The following MARK3 variants were observed in gnomAD, a reference collection of about 807,000 sequenced individuals.
MARK3 encodes MAP/microtubule affinity-regulating kinase 3.
A neutral mutation model predicts 90.1 loss-of-function variants in MARK3; 46 were observed. The ratio of observed to expected loss-of-function variants is 0.51; its 90% CI spans 0.40 to 0.65. MARK3 has a LOEUF of 0.65. Ranked by LOEUF, MARK3 falls within the 30% of genes least tolerant of loss-of-function variation. The pLI is 0.00. For missense variants in MARK3, 818 were observed against 947.2 expected (o/e 0.86, Z 1.79); for synonymous variants, 321 against 332.6 (o/e 0.97, Z 0.38).
chr14:103,408,566 A>G (rs1324109066), intron 2 of MARK3, among the ~76,000 whole-genome samples: 2 of 152,200 alleles, frequency 1.3e-5, no homozygotes, highest in Admixed American at 6.5e-5. Flanking sequence ...TAGATGTGCC[A>G]AGACTGTGAC....
chr14:103,493,341 G>A (rs895043623), intron 15 of MARK3, among the ~76,000 whole-genome samples: 1 of 136,356 alleles, frequency 7.3e-6, no homozygotes, highest in Non-Finnish European at 1.5e-5. Context: ...TTCAACCTCC[G>A]CCTAGATTAG....
chr14:103,445,671 A>G (rs750860005), intron 3 of MARK3, among the ~76,000 whole-genome samples: 8 of 152,184 alleles, frequency 5.3e-5, no homozygotes, highest in Non-Finnish European at 1.2e-4. Flanking sequence ...TTAGTTATCC[A>G]CTGCTGCCTA....
chr14:103,395,942 G>GATACCAAT (rs756806202), intron 1 of MARK3, among the ~76,000 whole-genome samples: 31 of 152,182 alleles, frequency 2.0e-4, no homozygotes, highest in Non-Finnish European at 3.7e-4. Context: ...TGGTGCTCTT[G>GATACCAAT]ATACCAATAT....
chr14:103,492,456 T>G (rs2094033456), intron 15 of MARK3, among the ~76,000 whole-genome samples: 1 of 152,150 alleles, frequency 6.6e-6, no homozygotes, highest in South Asian at 2.1e-4. Context: ...GCTTCTCTTT[T>G]CTCACTTTAT....
At chr14:103,477,631 C>T (rs558587066) in intron 13 of MARK3, among the ~76,000 whole-genome samples, 2 of 151,950 alleles carry the variant, frequency 1.3e-5, no homozygotes, top group Admixed American at 6.6e-5. Flanking sequence ...TTGGTACACT[C>T]ACAGTATTGT....
intron 15 of MARK3, among the ~76,000 whole-genome samples, chr14:103,494,203 CAGCCTGGGTGATGACAGAGCG>C (rs1278718721): frequency 5.4e-4 from 78 of 143,258 alleles, no homozygotes; most frequent in Non-Finnish European, 9.4e-4. Context: ...CGCTGCACTC[CAGCCTGGGTGATGACAGAGCG>C]AGACTCCATC....
chr14:103,456,773 A>T (rs1242803151), intron 5 of MARK3, among the ~76,000 whole-genome samples: 1 of 152,236 alleles, frequency 6.6e-6, no homozygotes, highest in Non-Finnish European at 1.5e-5. Context: ...TATACTCAGG[A>T]AATGCTTTGT....
At chr14:103,436,866 G>A (rs1029566877) in intron 3 of MARK3, among the ~76,000 whole-genome samples, 8 of 152,116 alleles carry the variant, frequency 5.3e-5, no homozygotes, top group African/African-American at 1.9e-4. Context: ...CAGCTGGGTG[G>A]GATCACCTGA....
intron 2 of MARK3, among the ~76,000 whole-genome samples, chr14:103,422,636 T>G (rs1459151361): frequency 1.3e-5 from 2 of 152,136 alleles, no homozygotes; most frequent in African/African-American, 4.8e-5. Flanking sequence ...CTACCCCACC[T>G]CCTCAAGTGA....
chr14:103,502,387 A>G (rs940596392), intron 17 of MARK3, among the ~76,000 whole-genome samples: 4 of 152,274 alleles, frequency 2.6e-5, no homozygotes, highest in Admixed American at 2.6e-4. Flanking sequence ...AGGGCTGTAC[A>G]GCAAAGCAAT....
chr14:103,470,511 A>C (rs1187011578), intron 12 of MARK3, among the ~76,000 whole-genome samples: 1 of 104,714 alleles, frequency 9.5e-6, no homozygotes, highest in Non-Finnish European at 1.8e-5. Context: ...GCTGGAGTGC[A>C]ATAGCGCGAT....
intron 7 of MARK3, among the ~76,000 whole-genome samples, chr14:103,464,350 G>C (rs1233265671): frequency 3.8e-5 from 5 of 131,886 alleles, no homozygotes; most frequent in Non-Finnish European, 6.1e-5. Context: ...CCTGGCTAGA[G>C]TGCAGTGGTG....
rs558928632 is a variant in MARK3, at chr14:103,412,129, C to A, written c.243+6862C>A. 220 of 1,302,476 alleles carry A rather than the reference C, an allele frequency of 1.7e-4. 2 individuals are homozygous for A. The East Asian group carries it at 4.8e-3, about 29-fold the overall frequency. 80.7% of individuals were successfully genotyped at this position (1,302,476 alleles called of 1,614,324 possible). On this transcript the variant is annotated intron_variant, in intron 2 of 17. Transcript: ENST00000429436. ...CTTTTCAAATATGCCTTAATATAGG[C>A]GCTGGGGCTTGCCCGTGGTGCTCTT...
chr14:103,441,756 C>T (rs764004521), intron 3 of MARK3, among the ~76,000 whole-genome samples: 1 of 152,198 alleles, frequency 6.6e-6, no homozygotes, highest in Non-Finnish European at 1.5e-5. Context: ...TGCCTCACCT[C>T]TCCTTTCTTT....
chr14:103,411,988 A>G (rs1219234992), intron 2 of MARK3: 1 of 308,696 alleles, frequency 3.2e-6, no homozygotes, highest in Non-Finnish European at 5.9e-6. Flanking sequence ...TTCCACATGA[A>G]TTTTAGAATT....
At chr14:103,472,524 G>A (rs550814159) in intron 12 of MARK3, among the ~76,000 whole-genome samples, 3 of 151,084 alleles carry the variant, frequency 2.0e-5, no homozygotes, top group Admixed American at 1.3e-4. Flanking sequence ...TCAAGTGCCT[G>A]TAGTCCTAGC....
intron 1 of MARK3, among the ~76,000 whole-genome samples, chr14:103,392,457 C>T (rs939124158): frequency 1.5e-4 from 23 of 152,114 alleles, no homozygotes; most frequent in Non-Finnish European, 3.4e-4. Flanking sequence ...TAACAAGTTG[C>T]CAGGTGATGT....
chr14:103,500,265 G>A (rs952616805), intron 17 of MARK3, 65 bp downstream of exon 17: 21 of 1,223,170 alleles, frequency 1.7e-5, no homozygotes, highest in African/African-American at 4.6e-5. Context: ...TGGCAGAGGC[G>A]ACTATTTTCT....
Position 103,468,103 on chromosome 14 carries a change from A to G in MARK3, c.1181A>G (p.Asn394Ser), listed in dbSNP as rs776556563. Residue 394 changes from asparagine (N) to serine (S), a missense_variant, in exon 12 of 18, where the codon AAC becomes AGC. Transcript: ENST00000429436. ...AAGGTTAGGCCGAGCAGTGATCTCA[A>G]CAACAGTACTGGCCAGTCTCCTCAC... ...LAKVRPSSDL[N>S]NSTGQSPHHK... 6 of 1,613,850 alleles carry G rather than the reference A, an allele frequency of 3.7e-6. No individual in the cohort carries two copies. The highest frequency in any genetic ancestry group is 2.7e-5 in the African/African-American group (2 of 74,856).
Sources: gnomAD v4.1 joint callset for allele counts (sites outside exome capture counted in the v4.1 genomes callset) on GRCh38, gnomAD v4.1.1 for gene constraint, MANE v1.5 for transcripts, NCBI Gene and HGNC (gene_info 2026-07-23, HGNC 2026-07-21) for gene names.